Variants in TGIF1 observed in about 807,000 individuals in gnomAD.
The protein encoded by TGIF1 is TGFB induced factor homeobox 1.
Under a neutral mutation model 19.3 loss-of-function variants are expected in TGIF1, and 4 were observed. That is an observed-to-expected ratio of 0.21 (90% confidence interval 0.10 to 0.47). The LOEUF is 0.47. Ranked by LOEUF, TGIF1 falls within the 20% of genes least tolerant of loss-of-function variation. The pLI is 0.98. For missense variants in TGIF1, 275 were observed against 341.4 expected (o/e 0.81, Z 1.53); for synonymous variants, 122 against 129.3 (o/e 0.94, Z 0.38).
upstream of TGIF1, among the ~76,000 whole-genome samples, chr18:3,445,450 C>T (rs1017393438): frequency 1.3e-5 from 2 of 151,916 alleles, no homozygotes; most frequent in African/African-American, 2.4e-5. Context: ...GAAGGCCGGG[C>T]GTAGTGGCTC....
chr18:3,416,930 C>CAAA (rs2082339847), intron 1 of TGIF1, among the ~76,000 whole-genome samples: 2 of 151,676 alleles, frequency 1.3e-5, no homozygotes, highest in South Asian at 2.1e-4. Flanking sequence ...GACTTTGTAT[C>CAAA]AAAACAACAA....
At chr18:3,440,943 G>A (rs987727266) in intron 2 of TGIF1, among the ~76,000 whole-genome samples, 36 of 152,290 alleles carry the variant, frequency 2.4e-4, no homozygotes, top group African/African-American at 8.4e-4. Flanking sequence ...ATATTGTAGA[G>A]TTCTATACCT....
chr18:3,452,434 G>A (rs1261945029), intron 1 of TGIF1: 1 of 1,610,670 alleles, frequency 6.2e-7, no homozygotes, highest in Non-Finnish European at 8.5e-7. Context: ...CTTTGGGGGA[G>A]CCGAGGCTGC....
upstream of TGIF1, chr18:3,449,995 CCCGCGTCCGCACCG>C: frequency 1.0e-6 from 1 of 989,146 alleles, no homozygotes; most frequent in Non-Finnish European, 1.2e-6. Context: ...CCGGCCACCC[CCCGCGTCCGCACCG>C]CCGCCCCCGA....
intron 2 of TGIF1, among the ~76,000 whole-genome samples, chr18:3,432,958 C>T (rs2082568158): frequency 6.6e-6 from 1 of 152,016 alleles, no homozygotes; most frequent in Non-Finnish European, 1.5e-5. Context: ...GGGGTTTCTC[C>T]ACGTTGGTCA....
chr18:3,420,635 C>T (rs1221936254), intron 2 of TGIF1, among the ~76,000 whole-genome samples: 1 of 152,094 alleles, frequency 6.6e-6, no homozygotes, highest in Non-Finnish European at 1.5e-5. Context: ...TATGCAGGCA[C>T]AGGTGAAAAG....
intron 2 of TGIF1, among the ~76,000 whole-genome samples, chr18:3,439,446 C>T (rs894820251): frequency 2.0e-5 from 3 of 151,446 alleles, no homozygotes; most frequent in Admixed American, 6.6e-5. Flanking sequence ...CAGGTTCAAG[C>T]GATTCTCCTG....
rs371106320 is a variant in TGIF1, at chr18:3,459,610, A to T, written c.*1670A>T. The stretch of plus-strand genomic sequence containing the variant: ...AATCATTACTTGCTCCAACAGCTAG[A>T]TCAAAGGCTGAACATTTTGCTTTAG... On this transcript the variant is annotated 3_prime_UTR_variant, in exon 3 of 3. Coordinates refer to ENST00000343820, the MANE Select transcript of TGIF1 (RefSeq NM_003244.4). The T allele has an allele frequency of 6.6e-5, 10 of 152,240 alleles. No homozygotes were observed. The highest frequency in any genetic ancestry group is 1.3e-4 in the Non-Finnish European group (9 of 68,042). 9.4% of individuals were successfully genotyped at this position (152,240 alleles called of 1,614,324 possible).
chr18:3,447,132 T>G (rs1190740009), upstream of TGIF1, among the ~76,000 whole-genome samples: 4 of 152,308 alleles, frequency 2.6e-5, no homozygotes, highest in East Asian at 7.7e-4. Flanking sequence ...CAACTTTCTT[T>G]GCTTGGCCTT....
At chr18:3,446,006 A>C (rs1205784847), upstream of TGIF1, among the ~76,000 whole-genome samples, 2 of 152,072 alleles carry the variant, frequency 1.3e-5, no homozygotes, top group Non-Finnish European at 1.5e-5. Flanking sequence ...ATGCCTTTTA[A>C]CTTTGTTATA....
chr18:3,442,174 G>A (rs1437792743), intron 2 of TGIF1, among the ~76,000 whole-genome samples: 1 of 151,940 alleles, frequency 6.6e-6, no homozygotes, highest in African/African-American at 2.4e-5. Flanking sequence ...CTCTCAGTAG[G>A]GTTTTAAAGT....
Position 3,457,844 on chromosome 18 carries a change from G to A in TGIF1, c.723G>A (p.Pro241=), listed in dbSNP as rs114912664. The A allele has an allele frequency of 1.7e-4, 268 of 1,610,548 alleles. No individual in the cohort carries two copies. The highest frequency in any genetic ancestry group is 1.4e-3 in the African/African-American group (106 of 74,972). The change falls in exon 3 of 3, where the codon CCG becomes CCA. Residue 241 remains proline (P), a synonymous_variant. Transcript: ENST00000343820. This position sits in a 1 kb window ranked among gnomAD's most constrained non-coding sequence, Gnocchi z 4.9. ...TCAACACTCCTCCCCCTACTCCACC[G>A]GACCTCAACCAGGACTTCAGTGGAT... ...GLFNTPPPTP[P]DLNQDFSGFQ...
Position 3,458,450 on chromosome 18 carries a change from T to A in TGIF1, c.*510T>A, listed in dbSNP as rs2049433842. 1 of 166,786 alleles carries A rather than the reference T, an allele frequency of 6.0e-6. No homozygotes were observed. Among genetic ancestry groups the A allele is most frequent in the Non-Finnish European group, 1.3e-5 (1 of 77,394 alleles). The allele number at this position is 166,786 out of a possible 1,614,324, so 10.3% of individuals were successfully genotyped here. A position where few individuals can be genotyped will look rare whatever the true frequency, so the allele number is the denominator to read the frequency against. ...GAGTATTTCTGTTGAGGGAGGTGCT[T>A]CTTAAAAATAAGTAGGAATATAGCA... On this transcript the variant is annotated 3_prime_UTR_variant, in exon 3 of 3. Transcript: ENST00000343820.
At chr18:3,442,306 G>A (rs2082685610) in intron 2 of TGIF1, among the ~76,000 whole-genome samples, 1 of 152,120 alleles carries the variant, frequency 6.6e-6, no homozygotes. Flanking sequence ...AAATGGAAAT[G>A]TGGATGAATT....
rs748687456 is a variant in TGIF1, at chr18:3,452,106, T to C, written c.16+1601T>C. The C allele has an allele frequency of 3.1e-6, 5 of 1,613,988 alleles. No individual in the cohort carries two copies. In the South Asian group the frequency reaches 3.3e-5, roughly 11 times the overall value. On this transcript the variant is annotated intron_variant, in intron 1 of 2. Transcript: ENST00000343820. ...CCCCGGGAATCCCCAGTGCTCCTTT[T>C]CCACGGCTTTTCTGGCGTCCCCCCG...
chr18:3,423,451 G>A (rs758704716), intron 2 of TGIF1, among the ~76,000 whole-genome samples: 7 of 151,970 alleles, frequency 4.6e-5, no homozygotes, highest in East Asian at 3.9e-4. Flanking sequence ...AGGCCAGGGC[G>A]GGCAGATCAC....
At chr18:3,434,608 G>A (rs983081573) in intron 2 of TGIF1, among the ~76,000 whole-genome samples, 9 of 152,178 alleles carry the variant, frequency 5.9e-5, no homozygotes, top group Middle Eastern at 3.2e-3. Context: ...CCAGCTACTC[G>A]GGAGGCTGAG....
At chr18:3,435,170 G>T (rs915399740) in intron 2 of TGIF1, among the ~76,000 whole-genome samples, 1 of 151,904 alleles carries the variant, frequency 6.6e-6, no homozygotes, top group Admixed American at 6.6e-5. Flanking sequence ...TTAAATTTCA[G>T]GCTTTTAATC....
At chr18:3,445,700 G>A, upstream of TGIF1, among the ~76,000 whole-genome samples, 1 of 123,242 alleles carries the variant, frequency 8.1e-6, no homozygotes, top group South Asian at 2.8e-4. Flanking sequence ...CTCCAGCCTG[G>A]GTGACAGAGC....
Sources: gnomAD v4.1 joint callset for allele counts (sites outside exome capture counted in the v4.1 genomes callset) on GRCh38, gnomAD v4.1.1 for gene constraint, Gnocchi (gnomAD v3.1) non-coding constraint, MANE v1.5 for transcripts, NCBI Gene and HGNC (gene_info 2026-07-23, HGNC 2026-07-21) for gene names.